Variants in MMP28 observed in about 807,000 individuals in gnomAD.
The protein encoded by MMP28 is matrix metalloproteinase-28.
Under a neutral mutation model 60.5 loss-of-function variants are expected in MMP28, and 55 were observed. The observed-to-expected ratio is 0.91, with a 90% confidence interval of 0.73 to 1.14. MMP28 has a LOEUF of 1.14. Among genes scored for constraint, MMP28 ranks in the 50% most tolerant of loss-of-function variants. MMP28 has a pLI of 0.00. For missense variants in MMP28, 686 were observed against 738.3 expected (o/e 0.93, Z 0.82); for synonymous variants, 318 against 312.5 (o/e 1.02, Z -0.18).
Position 35,768,239 on chromosome 17 carries a change from T to C in MMP28, c.991A>G (p.Ile331Val). 6 of 1,607,810 alleles carry C rather than the reference T, an allele frequency of 3.7e-6. No individual in the cohort carries two copies. The highest frequency in any genetic ancestry group is 5.1e-6 in the Non-Finnish European group (6 of 1,177,166). The change falls in exon 6 of 8, where the codon ATC (isoleucine) becomes GTC (valine). Residue 331 changes from isoleucine (I) to valine (V), a missense_variant. By Grantham distance (29) the Ile-to-Val change is conservative. Transcript: ENST00000605424. ...AGTGGGACCTTCTTACCTACAGTGA[T>C]GGCATCGAAGGAAGAGTGGCAGTAT... ...PKYCHSSFDA[I>V]TVDRQQQLYI...
Position 35,766,640 on chromosome 17 carries a change from C to T in MMP28, c.1423G>A (p.Gly475Ser), listed in dbSNP as rs1191857446. Residue 475 changes from glycine to serine, a missense_variant, in exon 8 of 8, where the codon GGC becomes AGC. Transcript: ENST00000605424. The surrounding 1 kb of genome is among the most constrained non-coding windows in gnomAD (Gnocchi z 4.3). ...EVSGALPRPDGSIIFFRDDRY... is the reference protein window; with the variant it reads ...EVSGALPRPDSSIIFFRDDRY... ...TCATCTCGGAAGAAGATGATGGAGC[C>T]ATCGGGCCTCGGCAGGGCGCCGCTG... 13 of 1,612,328 alleles carry T rather than the reference C, an allele frequency of 8.1e-6. No individual in the cohort carries two copies. Among genetic ancestry groups the T allele is most frequent in the East Asian group, 2.2e-5 (1 of 44,872 alleles).
At chr17:35,771,029 G>A (rs1018234124) in intron 4 of MMP28, among the ~76,000 whole-genome samples, 1 of 152,052 alleles carries the variant, frequency 6.6e-6, no homozygotes, top group East Asian at 1.9e-4. Flanking sequence ...CTCCAGCCTG[G>A]GTGACAGAGT....
downstream of MMP28, chr17:35,764,479 C>G (rs1555602370): frequency 6.4e-7 from 1 of 1,569,168 alleles, no homozygotes; most frequent in African/African-American, 1.4e-5. Flanking sequence ...CGACGACCGC[C>G]GCGCCGCGGG....
intron 7 of MMP28, chr17:35,767,130 C>G (rs1367637384): frequency 1.6e-5 from 11 of 701,548 alleles, no homozygotes; most frequent in Non-Finnish European, 2.6e-5. Context: ...CAGATAGCCC[C>G]GAAAGGAAGG....
In MMP28 at chr17:35,795,440, C is replaced by A; in HGVS notation, c.-63G>T. ...TGCGCGCAGGGAACCAGCCGGCAGT[C>A]AGCCGCGCCCGGGACCCCGGGGATG... On this transcript the variant is annotated 5_prime_UTR_variant, in exon 1 of 8. Coordinates refer to ENST00000605424, the MANE Select transcript of MMP28 (RefSeq NM_024302.5). The A allele has an allele frequency of 8.1e-7, 1 of 1,240,164 alleles. No individual in the cohort carries two copies. Among genetic ancestry groups the A allele is most frequent in the Non-Finnish European group, 1.0e-6 (1 of 958,284 alleles). The allele number at this position is 1,240,164 out of a possible 1,614,324, so 76.8% of individuals were successfully genotyped here. A position where few individuals can be genotyped will look rare whatever the true frequency, so the allele number is the denominator to read the frequency against.
intron 2 of MMP28, among the ~76,000 whole-genome samples, chr17:35,756,892 C>T (rs1233785565): frequency 6.6e-6 from 1 of 152,012 alleles, no homozygotes. Flanking sequence ...TATTTTCCTC[C>T]CTTGAGCATG....
chr17:35,771,639 A>G (rs1239959851), intron 4 of MMP28, among the ~76,000 whole-genome samples: 2 of 134,096 alleles, frequency 1.5e-5, no homozygotes, highest in African/African-American at 2.8e-5. Flanking sequence ...TATAATTTTT[A>G]TTTTTATTAT....
Position 35,770,304 on chromosome 17 carries a change from G to C in MMP28, c.613C>G (p.Leu205Val). Residue 205 changes from leucine to valine, a missense_variant, in exon 5 of 8, where the codon CTG (leucine) becomes GTG (valine). By Grantham distance (32) the Leu-to-Val change is conservative (BLOSUM62 1). Transcript: ENST00000605424. ...CGGCGGGGCAGGAAGGCGTGCGCCA[G>C]GGCGCCCCCTGCAGGTGGGGCAGAA... ...GNAFDGPGGA[L>V]AHAFLPRRGE... 6.6e-7 allele frequency: 1 copy of C among 1,517,992 alleles called. No homozygotes were observed. Among genetic ancestry groups the C allele is most frequent in the Non-Finnish European group, 8.8e-7 (1 of 1,141,726 alleles). The allele number at this position is 1,517,992 out of a possible 1,614,324, so 94.0% of individuals were successfully genotyped here. A position where few individuals can be genotyped will look rare whatever the true frequency, so the allele number is the denominator to read the frequency against.
chr17:35,794,820 C>T (rs2086918381), intron 1 of MMP28, among the ~76,000 whole-genome samples: 1 of 152,196 alleles, frequency 6.6e-6, no homozygotes, highest in African/African-American at 2.4e-5. Context: ...CCAAGCAGGT[C>T]AGCGGCGGTC....
At chr17:35,783,771 G>A (rs1459930693) in intron 1 of MMP28, among the ~76,000 whole-genome samples, 3 of 152,092 alleles carry the variant, frequency 2.0e-5, no homozygotes, top group African/African-American at 7.2e-5. Context: ...GGGGTGGAGG[G>A]CAGGATGGGG....
chr17:35,777,820 G>A (rs920716585), intron 3 of MMP28, among the ~76,000 whole-genome samples: 4 of 152,244 alleles, frequency 2.6e-5, no homozygotes, highest in South Asian at 2.1e-4. Context: ...AGGCCAAGGC[G>A]GGTTCGAGAC....
intron 4 of MMP28, among the ~76,000 whole-genome samples, chr17:35,771,896 C>T (rs1487730941): frequency 1.3e-5 from 2 of 151,156 alleles, no homozygotes; most frequent in Admixed American, 6.6e-5. Flanking sequence ...ATTAGATGTG[C>T]AGGTGCCAGG....
chr17:35,761,099 ATTTT>A (rs10533957), downstream of MMP28: 1,012 of 504,122 alleles, frequency 2.0e-3, no homozygotes, highest in South Asian at 2.7e-3. Flanking sequence ...GCCTTCCTGA[ATTTT>A]TTTTTTTTTT....
At chr17:35,783,848 G>A (rs1037339352) in intron 1 of MMP28, among the ~76,000 whole-genome samples, 6 of 152,048 alleles carry the variant, frequency 3.9e-5, no homozygotes, top group African/African-American at 9.7e-5. Context: ...TTCCTAACTC[G>A]CCTCTGGGAC....
chr17:35,766,685 C>A lies in MMP28; in HGVS notation c.1378G>T (p.Gly460Ter). 6.2e-7 allele frequency: 1 copy of A among 1,608,622 alleles called. No individual in the cohort carries two copies. Among genetic ancestry groups the A allele is most frequent in the East Asian group, 2.2e-5 (1 of 44,664 alleles). ...PYYPRSLQDW[G>*]GIPEEVSGAL... ...CCGCTGACCTCCTCAGGGATGCCTC[C>A]CCAGTCCTGCAGACTTCGGGGGTAG... Residue 460 changes from glycine (G) to a stop codon, truncating the protein, a stop_gained, in exon 8 of 8, where the codon GGA becomes TGA. Coordinates refer to ENST00000605424, the MANE Select transcript of MMP28 (RefSeq NM_024302.5). LOFTEE classifies it high-confidence loss of function. This position sits in a 1 kb window ranked among gnomAD's most constrained non-coding sequence, Gnocchi z 4.3.
intron 1 of MMP28, among the ~76,000 whole-genome samples, chr17:35,791,303 G>A (rs1267253841): frequency 1.3e-5 from 2 of 151,828 alleles, no homozygotes; most frequent in Admixed American, 6.6e-5. Flanking sequence ...TTGGAAGGCC[G>A]AGGCAGGAGG....
intron 1 of MMP28, among the ~76,000 whole-genome samples, chr17:35,783,797 C>T (rs770524717): frequency 3.3e-5 from 5 of 151,858 alleles, no homozygotes; most frequent in Admixed American, 2.6e-4. Flanking sequence ...GGGTGAGGGC[C>T]TTTTTCAGGG....
At chr17:35,788,700 C>CA (rs929668323) in intron 1 of MMP28, among the ~76,000 whole-genome samples, 228 of 152,248 alleles carry the variant, frequency 1.5e-3, no homozygotes, top group African/African-American at 5.3e-3. Context: ...CCTGGAGAAA[C>CA]AAACTATCCA....
chr17:35,775,690 T>C (rs1202991222), intron 3 of MMP28, among the ~76,000 whole-genome samples: 2 of 152,328 alleles, frequency 1.3e-5, no homozygotes, highest in East Asian at 3.9e-4. Context: ...GAGGCTTAAA[T>C]GAGACAGCAA....
Sources: allele counts gnomAD v4.1 joint callset (sites outside exome capture counted in the v4.1 genomes callset), GRCh38; gene constraint gnomAD v4.1.1; non-coding constraint Gnocchi (gnomAD v3.1); transcripts MANE v1.5; gene names NCBI Gene and HGNC (gene_info 2026-07-23, HGNC 2026-07-21).